The following MPHOSPH10 variants were observed in gnomAD, a reference collection of about 807,000 sequenced individuals.
MPHOSPH10 encodes M-phase phosphoprotein 10.
Under a neutral mutation model 77.3 loss-of-function variants are expected in MPHOSPH10, and 33 were observed. The observed-to-expected ratio is 0.43, with a 90% CI of 0.32 to 0.57. The LOEUF (loss-of-function observed/expected upper bound fraction) is 0.57. Among genes scored for constraint, MPHOSPH10 ranks in the 20% least tolerant of loss-of-function variants. The probability of loss-of-function intolerance (pLI) is 0.07; values close to 1 mark genes in which losing one functional copy is unlikely to be tolerated. For synonymous variants in MPHOSPH10, 245 were observed against 268.0 expected, an observed-to-expected ratio of 0.91 and a Z score of 0.84; for missense variants, 708 against 780.1, an observed-to-expected ratio of 0.91 and a Z score of 1.10.
At chr2:71,132,438 G>C (rs189494532) in intron 1 of MPHOSPH10, among the ~76,000 whole-genome samples, 1 of 152,252 alleles carries the variant, frequency 6.6e-6, no homozygotes, top group East Asian at 1.9e-4. Context: ...TTGCATCTTA[G>C]AGGATTTCTT....
chr2:71,142,114 T>A (rs1228822059), intron 7 of MPHOSPH10, among the ~76,000 whole-genome samples: 1 of 152,356 alleles, frequency 6.6e-6, no homozygotes. Context: ...TATGCTGATA[T>A]AATAATCGAA....
At position 71,149,313 on chromosome 2, in the gene MPHOSPH10, C is replaced by T. The variant is rs768235145; in HGVS notation, c.1756C>T (p.Arg586Cys). ...GCGAAGGAAAAAGAAATATCAAAAG[C>T]GTATGAAAATAAAAGAGAAGGAGAA... Reference protein sequence around the residue: ...RERRKKKYQKRMKIKEKEKRR... With the variant: ...RERRKKKYQKCMKIKEKEKRR... The change falls in exon 10 of 11, where the codon CGT becomes TGT. Residue 586 changes from arginine to cysteine, a missense_variant. Physicochemically the swap from Arg to Cys is radical, Grantham distance 180. Transcript: ENST00000244230. The T allele has an allele frequency of 8.7e-6, 14 of 1,612,090 alleles. No homozygotes were observed. The highest frequency in any genetic ancestry group is 1.7e-4 in the Middle Eastern group (1 of 6,056).
Position 71,133,458 on chromosome 2 carries a change from T to G in MPHOSPH10, c.650T>G (p.Ile217Arg), listed in dbSNP as rs1467717309. 3.7e-6 allele frequency: 6 copies of G among 1,613,786 alleles called. No individual in the cohort carries two copies. The highest frequency in any genetic ancestry group is 1.1e-5 in the South Asian group (1 of 91,060). The change falls in exon 2 of 11, where the codon ATA becomes AGA. Residue 217 changes from isoleucine (I) to arginine (R), a missense_variant. Ile to Arg is a moderately conservative substitution (Grantham distance 97). Transcript: ENST00000244230. ...GAAATGGAGGCCTATTTAGAAAACA[T>G]AGAAAAAGAAGAGGAACGAAAAGAT... ...LSEMEAYLEN[I>R]EKEEERKDDN...
chr2:71,148,285 T>TC, intron 9 of MPHOSPH10, 179 bp downstream of exon 9: 2 of 551,874 alleles, frequency 3.6e-6, no homozygotes, highest in South Asian at 2.5e-5. Context: ...TCTCCTATAT[T>TC]CTGGCTTTAT....
chr2:71,135,893 C>T lies in MPHOSPH10; in HGVS notation c.1098+1096C>T, dbSNP rs191070652. On this transcript the variant is annotated intron_variant, in intron 4 of 10. Coordinates refer to ENST00000244230, the MANE Select transcript of MPHOSPH10 (RefSeq NM_005791.3). ...AATTTTTTTGTATTTTTAGTAGAGA[C>T]GGGGTTTCACCATGTTGGCCAGGCT... Among the ~76,000 whole-genome samples, 700 of 151,816 alleles carry T rather than the reference C, an allele frequency of 4.6e-3. 1 individual carries two copies. The highest frequency in any genetic ancestry group is 7.3e-3 in the Non-Finnish European group (496 of 67,922).
At chr2:71,131,857 A>T (rs371779866) in intron 1 of MPHOSPH10, among the ~76,000 whole-genome samples, 1 of 152,192 alleles carries the variant, frequency 6.6e-6, no homozygotes, top group Non-Finnish European at 1.5e-5. Flanking sequence ...TGGCTGTTTT[A>T]TTTCTTTTGT....
intron 3 of MPHOSPH10, 61 bp from the exon 4 acceptor site, chr2:71,134,565 T>C (rs759507287): frequency 1.2e-5 from 17 of 1,477,274 alleles, no homozygotes; most frequent in Non-Finnish European, 1.5e-5. Flanking sequence ...AAAATTTGTT[T>C]CCTTTTGTTT....
At chr2:71,149,546 C>G in intron 10 of MPHOSPH10, 93 bp downstream of exon 10, 2 of 1,178,804 alleles carry the variant, frequency 1.7e-6, no homozygotes, top group African/African-American at 3.1e-5. Flanking sequence ...AGCCAGCTGA[C>G]AGCCCACCTG....
rs1229961028 is a variant in MPHOSPH10, at chr2:71,145,183, TCTC to T, written c.1557+648_1557+650del. On this transcript the variant is annotated intron_variant, in intron 8 of 10. Coordinates refer to ENST00000244230, the MANE Select transcript of MPHOSPH10 (RefSeq NM_005791.3). ...TACCTGTCTATTCCTTGGAGCCTCA[TCTC>T]CTGCTTACCAGCTTCTGTGAACCCA... Among the ~76,000 whole-genome samples the T allele has an allele frequency of 3.9e-5, 6 of 152,298 alleles. No homozygotes were observed. The East Asian group carries it at 1.2e-3, about 29-fold the overall frequency.
chr2:71,149,789 T>C, intron 10 of MPHOSPH10, 77 bp from the exon 11 acceptor site: 2 of 1,215,966 alleles, frequency 1.6e-6, no homozygotes, highest in Middle Eastern at 2.4e-4. Context: ...ATTGTTGTAA[T>C]GGTGATGTAC....
chr2:71,147,956 A>C (rs757750658), intron 8 of MPHOSPH10, 43 bp from the exon 9 acceptor site: 3 of 1,457,672 alleles, frequency 2.1e-6, no homozygotes, highest in Non-Finnish European at 2.9e-6. Flanking sequence ...TTTGTGTTAG[A>C]GTCCCTTCTG....
chr2:71,133,910 A>G (rs755782631), intron 2 of MPHOSPH10, 38 bp from the exon 3 acceptor site: 6 of 1,345,006 alleles, frequency 4.5e-6, no homozygotes, highest in Non-Finnish European at 6.1e-6. Flanking sequence ...ATATTTTTCT[A>G]TCCCTAATTA....
At chr2:71,140,822 A>G (rs1461819785) in intron 6 of MPHOSPH10, among the ~76,000 whole-genome samples, 1 of 152,220 alleles carries the variant, frequency 6.6e-6, no homozygotes, top group Non-Finnish European at 1.5e-5. Context: ...TGTGCAGAAC[A>G]TCTTAAAATT....
chr2:71,131,553 A>G (rs972916417), intron 1 of MPHOSPH10, among the ~76,000 whole-genome samples: 2 of 152,234 alleles, frequency 1.3e-5, no homozygotes, highest in African/African-American at 2.4e-5. Flanking sequence ...TGTGTGAGCC[A>G]CAAGGCTGTT....
At chr2:71,132,402 T>G (rs544723643) in intron 1 of MPHOSPH10, among the ~76,000 whole-genome samples, 5 of 152,296 alleles carry the variant, frequency 3.3e-5, no homozygotes, top group Admixed American at 2.0e-4. Context: ...CACCTGTTTG[T>G]TTCCTCAAGC....
intron 1 of MPHOSPH10, among the ~76,000 whole-genome samples, chr2:71,131,039 A>G (rs1433199748): frequency 6.6e-6 from 1 of 152,170 alleles, no homozygotes; most frequent in African/African-American, 2.4e-5. Context: ...CTCTACACAC[A>G]GACTGTTGGT....
At chr2:71,134,567 CT>C (rs1191282108) in intron 3 of MPHOSPH10, 58 bp from the exon 4 acceptor site, 4 of 1,485,278 alleles carry the variant, frequency 2.7e-6, no homozygotes, top group Non-Finnish European at 3.6e-6. Flanking sequence ...AATTTGTTTC[CT>C]TTTGTTTTTC....
At chr2:71,147,413 C>T (rs1673736733) in intron 8 of MPHOSPH10, among the ~76,000 whole-genome samples, 1 of 152,158 alleles carries the variant, frequency 6.6e-6, no homozygotes, top group Non-Finnish European at 1.5e-5. Flanking sequence ...GTGGCTCATG[C>T]CTGTAATCCC....
intron 4 of MPHOSPH10, among the ~76,000 whole-genome samples, chr2:71,138,074 G>A (rs1673530200): frequency 6.6e-6 from 1 of 152,178 alleles, no homozygotes; most frequent in African/African-American, 2.4e-5. Context: ...GCGACAGAGC[G>A]AGACTCTGCT....
Sources: allele counts gnomAD v4.1 joint callset (sites outside exome capture counted in the v4.1 genomes callset), GRCh38; gene constraint gnomAD v4.1.1; transcripts MANE v1.5; gene names NCBI Gene and HGNC (gene_info 2026-07-23, HGNC 2026-07-21).